LIN52: variants seen among roughly 807,000 people sequenced by gnomAD.
LIN52 encodes the protein protein lin-52 homolog.
In LIN52, 4 loss-of-function variants were observed where a neutral mutation model predicts 18.5. The observed-to-expected ratio is 0.22, with a 90% CI of 0.11 to 0.49. The LOEUF (loss-of-function observed/expected upper bound fraction) is 0.49, where lower values mean the gene tolerates loss of function less well. LIN52 is among the 20% of genes least tolerant of loss of function. The pLI is 0.97. For missense variants in LIN52, 102 were observed against 139.5 expected (o/e 0.73, Z 1.35); for synonymous variants, 34 against 45.5 (o/e 0.75, Z 1.02).
intron 5 of LIN52, among the ~76,000 whole-genome samples, chr14:74,173,476 C>T (rs2061279902): frequency 6.6e-6 from 1 of 152,174 alleles, no homozygotes; most frequent in South Asian, 2.1e-4. Flanking sequence ...CATGAGCCAT[C>T]GTGCCCAGCC....
chr14:74,131,605 G>A (rs531258519), intron 5 of LIN52, among the ~76,000 whole-genome samples: 2 of 152,234 alleles, frequency 1.3e-5, no homozygotes, highest in East Asian at 1.9e-4. Flanking sequence ...CGTGAGCATC[G>A]CACCTGGCCG....
chr14:74,128,627 A>G (rs1595167094), intron 5 of LIN52, among the ~76,000 whole-genome samples: 1 of 152,216 alleles, frequency 6.6e-6, no homozygotes, highest in African/African-American at 2.4e-5. Context: ...TGTGAATTAT[A>G]TCTCAGTAAA....
intron 1 of LIN52, chr14:74,085,215 G>C: frequency 2.5e-6 from 1 of 396,460 alleles, no homozygotes; most frequent in South Asian, 1.3e-4. Flanking sequence ...GTGTGGAGGA[G>C]GGCACTAGGG....
chr14:74,093,988 A>G (rs2060790869), intron 2 of LIN52, among the ~76,000 whole-genome samples: 2 of 152,042 alleles, frequency 1.3e-5, no homozygotes, highest in Admixed American at 6.6e-5. Context: ...TGTCTCAAAA[A>G]AAAAAAAAAA....
At chr14:74,105,432 C>T (rs1318797809) in intron 5 of LIN52, among the ~76,000 whole-genome samples, 1 of 152,214 alleles carries the variant, frequency 6.6e-6, no homozygotes, top group East Asian at 1.9e-4. Context: ...AACTGATTGC[C>T]GTTTTCCTTG....
At chr14:74,112,197 C>G (rs568124319) in intron 5 of LIN52, among the ~76,000 whole-genome samples, 1 of 152,028 alleles carries the variant, frequency 6.6e-6, no homozygotes, top group South Asian at 2.1e-4. Context: ...GTGATTTTTA[C>G]CAGACTACTT....
intron 4 of LIN52, among the ~76,000 whole-genome samples, chr14:74,099,108 A>G (rs938302871): frequency 2.0e-5 from 3 of 152,144 alleles, no homozygotes; most frequent in African/African-American, 7.2e-5. Context: ...ATTTTGCCCT[A>G]CTTTATTTAT....
chr14:74,170,006 T>C (rs955801459), intron 5 of LIN52, among the ~76,000 whole-genome samples: 8 of 152,188 alleles, frequency 5.3e-5, no homozygotes, highest in African/African-American at 1.9e-4. Context: ...ATCTGCCAGA[T>C]GGACATCAGC....
In LIN52 at chr14:74,199,061, T is replaced by C; in HGVS notation, c.*84T>C. ...CTCTAACAATGCACACCTCACTGCT[T>C]GCTTGGGAGAGGCCAGAGGGTGTAC... On this transcript the variant is annotated 3_prime_UTR_variant, in exon 6 of 6. Transcript: ENST00000555028. The C allele has an allele frequency of 1.0e-6, 1 of 982,022 alleles. No individual in the cohort carries two copies. Among genetic ancestry groups the C allele is most frequent in the Non-Finnish European group, 1.6e-6 (1 of 615,542 alleles). The allele number at this position is 982,022 out of a possible 1,614,324, so 60.8% of individuals were successfully genotyped here.
intron 5 of LIN52, chr14:74,114,421 G>C (rs965687282): frequency 1.0e-6 from 1 of 985,292 alleles, no homozygotes; most frequent in Admixed American, 6.2e-5. Flanking sequence ...AATGGATGAT[G>C]GCAGTGAGAA....
chr14:74,198,886 G>A lies in LIN52; in HGVS notation c.284-36G>A, dbSNP rs1340828043. 3 of 1,505,664 alleles carry A rather than the reference G, an allele frequency of 2.0e-6. No individual in the cohort carries two copies. In the South Asian group the frequency reaches 3.4e-5, roughly 17 times the overall value. The allele number at this position is 1,505,664 out of a possible 1,614,324, so 93.3% of individuals were successfully genotyped here. A position where few individuals can be genotyped will look rare whatever the true frequency, so the allele number is the denominator to read the frequency against. On this transcript the variant is annotated intron_variant, in intron 5 of 5. Transcript: ENST00000555028. ...CTATGATTCTTTTTTCCGATTTTAG[G>A]TTTTCATTGATCATTTGTTTGCTTT...
chr14:74,190,192 C>G (rs1454368552), intron 5 of LIN52, among the ~76,000 whole-genome samples: 2 of 152,064 alleles, frequency 1.3e-5, no homozygotes, highest in Non-Finnish European at 2.9e-5. Context: ...CCACTGCACG[C>G]TTTTGGAAGA....
At chr14:74,102,955 T>C (rs2060868894) in intron 5 of LIN52, among the ~76,000 whole-genome samples, 1 of 152,220 alleles carries the variant, frequency 6.6e-6, no homozygotes, top group South Asian at 2.1e-4. Context: ...ATAGCCAATC[T>C]TGTTTTACTT....
At chr14:74,136,648 C>T (rs985550983) in intron 5 of LIN52, among the ~76,000 whole-genome samples, 2 of 152,154 alleles carry the variant, frequency 1.3e-5, no homozygotes, top group African/African-American at 4.8e-5. Flanking sequence ...AAGAACAATA[C>T]AATAAAATAT....
intron 5 of LIN52, among the ~76,000 whole-genome samples, chr14:74,148,327 A>C (rs11623625): frequency 0.49 from 74,549 of 151,950 alleles, 18,920 homozygotes; most frequent in Non-Finnish European, 0.53. Flanking sequence ...CATAATAAGT[A>C]AATATTTATT....
intron 5 of LIN52, among the ~76,000 whole-genome samples, chr14:74,142,898 C>G (rs7151588): frequency 0.17 from 25,052 of 147,408 alleles, 2,592 homozygotes; most frequent in East Asian, 0.58. Flanking sequence ...TACAAAAAAC[C>G]TTTGCTCAGC....
At chr14:74,145,313 T>C (rs11159062) in intron 5 of LIN52, among the ~76,000 whole-genome samples, 118,012 of 152,126 alleles carry the variant, frequency 0.78, 46,097 homozygotes, top group Admixed American at 0.81. Flanking sequence ...CCATATTACT[T>C]TTATGTGTGC....
At chr14:74,122,566 T>C (rs1300970967) in intron 5 of LIN52, among the ~76,000 whole-genome samples, 2 of 152,146 alleles carry the variant, frequency 1.3e-5, no homozygotes, top group African/African-American at 4.8e-5. Context: ...CTTAGTATTA[T>C]ACAAATAATT....
chr14:74,103,740 T>G (rs978678196), intron 5 of LIN52, among the ~76,000 whole-genome samples: 5 of 47,976 alleles, frequency 1.0e-4, no homozygotes, highest in Admixed American at 2.3e-4. Flanking sequence ...CCAGTTTTTT[T>G]TTTTTTTTTT....
Sources: gnomAD v4.1 joint callset for allele counts (sites outside exome capture counted in the v4.1 genomes callset) on GRCh38, gnomAD v4.1.1 for gene constraint, MANE v1.5 for transcripts, NCBI Gene and HGNC (gene_info 2026-07-23, HGNC 2026-07-21) for gene names.